The following USP13 variants were observed in gnomAD, a reference collection of about 807,000 sequenced individuals.
The protein encoded by USP13 is ubiquitin specific peptidase 13.
Under a neutral mutation model 107.8 loss-of-function variants are expected in USP13, and 68 were observed. The ratio of observed to expected loss-of-function variants is 0.63; its 90% confidence interval spans 0.52 to 0.77. The LOEUF (loss-of-function observed/expected upper bound fraction) is 0.77. USP13 is among the 30% of genes least tolerant of loss of function. The probability of loss-of-function intolerance (pLI) is 0.00; values close to 1 mark genes in which losing one functional copy is unlikely to be tolerated. For missense variants in USP13, 945 were observed against 1,093.3 expected (o/e 0.86, Z 1.91); for synonymous variants, 377 against 389.5 (o/e 0.97, Z 0.38).
At chr3:179,714,822 ACAGTC>A (rs1460305103) in intron 6 of USP13, among the ~76,000 whole-genome samples, 1 of 150,122 alleles carries the variant, frequency 6.7e-6, no homozygotes, top group Non-Finnish European at 1.5e-5. Flanking sequence ...TTTCCTGACT[ACAGTC>A]TAGGTTTTGT....
intron 6 of USP13, among the ~76,000 whole-genome samples, chr3:179,713,767 T>G (rs1713009187): frequency 1.3e-5 from 2 of 152,166 alleles, no homozygotes; most frequent in Admixed American, 6.5e-5. Context: ...GAACGTGGAA[T>G]CCAAGAAGGT....
chr3:179,679,907 G>C (rs1165211842), intron 1 of USP13, among the ~76,000 whole-genome samples: 1 of 150,608 alleles, frequency 6.6e-6, no homozygotes, highest in East Asian at 2.0e-4. Flanking sequence ...GGGCATGGTG[G>C]CTCACACCTG....
intron 16 of USP13, among the ~76,000 whole-genome samples, chr3:179,760,761 C>T (rs372958698): frequency 6.6e-6 from 1 of 152,172 alleles, no homozygotes; most frequent in South Asian, 2.1e-4. Flanking sequence ...ATAGAGCTTT[C>T]TGTTCAAGTT....
intron 19 of USP13, among the ~76,000 whole-genome samples, chr3:179,772,700 G>A (rs1452453687): frequency 1.3e-5 from 2 of 152,236 alleles, no homozygotes; most frequent in Non-Finnish European, 2.9e-5. Flanking sequence ...TTAAGAGGCA[G>A]CCACTCTTGA....
At chr3:179,657,716 A>G (rs1237319176) in intron 1 of USP13, among the ~76,000 whole-genome samples, 1 of 129,338 alleles carries the variant, frequency 7.7e-6, no homozygotes, top group East Asian at 2.8e-4. Flanking sequence ...GTAAGCCGAG[A>G]TTGCGTCACT....
chr3:179,657,669 C>T lies in USP13; in HGVS notation c.168+4276C>T, dbSNP rs1576903430. Among the ~76,000 whole-genome samples the T allele has an allele frequency of 2.2e-5, 3 of 138,972 alleles. No individual in the cohort carries two copies. In the South Asian group the frequency reaches 6.9e-4, roughly 32 times the overall value. The allele number at this position is 138,972 out of a possible 152,430, so 91.2% of individuals were successfully genotyped here. On this transcript the variant is annotated intron_variant, in intron 1 of 20. Coordinates refer to ENST00000263966, the MANE Select transcript of USP13 (RefSeq NM_003940.3). ...GTCCCAGCTACTCGGGAGGCTGAGG[C>T]AGGAGAATCGCTTGAACCTGGGAGG...
At chr3:179,778,079 A>AT (rs1185732278) in intron 19 of USP13, among the ~76,000 whole-genome samples, 2 of 151,792 alleles carry the variant, frequency 1.3e-5, no homozygotes, top group Non-Finnish European at 2.9e-5. Context: ...CAAACCTGGG[A>AT]TTTTTTTCTT....
chr3:179,749,414 T>C lies in USP13; in HGVS notation c.1710-2871T>C, dbSNP rs565625356. On this transcript the variant is annotated intron_variant, in intron 13 of 20. Coordinates refer to ENST00000263966, the MANE Select transcript of USP13 (RefSeq NM_003940.3). ...AATGATCTTTATTTAAAACATATCA[T>C]TTTTCAAGAAATATTTTAATTCCAG... Among the ~76,000 whole-genome samples the C allele has an allele frequency of 2.6e-5, 4 of 152,320 alleles. No individual in the cohort carries two copies. The South Asian group carries it at 6.2e-4, about 24-fold the overall frequency.
At chr3:179,739,320 A>C (rs1714105631) in intron 10 of USP13, among the ~76,000 whole-genome samples, 1 of 152,188 alleles carries the variant, frequency 6.6e-6, no homozygotes, top group Non-Finnish European at 1.5e-5. Flanking sequence ...CCTTTCTAGC[A>C]GCTGCAGCCA....
At chr3:179,667,742 G>A (rs1253902113) in intron 1 of USP13, among the ~76,000 whole-genome samples, 1 of 152,172 alleles carries the variant, frequency 6.6e-6, no homozygotes, top group African/African-American at 2.4e-5. Flanking sequence ...TGTCTCCTGG[G>A]TTCAAGTGAT....
intron 1 of USP13, among the ~76,000 whole-genome samples, chr3:179,676,505 C>T (rs1169560441): frequency 6.6e-6 from 1 of 152,110 alleles, no homozygotes; most frequent in Non-Finnish European, 1.5e-5. Flanking sequence ...GGCTGTATAC[C>T]ATTCTCTGTG....
In USP13 at chr3:179,784,183, T is replaced by G. The variant is rs992636211; in HGVS notation, c.*42T>G. ...TTGGCGAAAAGAAGCCATACGCCTT[T>G]TTAATTTGCCAAAAAAAAAAAGAAG... On this transcript the variant is annotated 3_prime_UTR_variant, in exon 21 of 21. Transcript: ENST00000263966. 6.8e-7 allele frequency: 1 copy of G among 1,460,858 alleles called. No homozygotes were observed. The highest frequency in any genetic ancestry group is 2.3e-5 in the East Asian group (1 of 43,966). The allele number at this position is 1,460,858 out of a possible 1,614,324, so 90.5% of individuals were successfully genotyped here.
At position 179,764,185 on chromosome 3, in the gene USP13, G is replaced by C. The variant is rs1576987109; in HGVS notation, c.2259+17G>C. On this transcript the variant is annotated intron_variant, in intron 18 of 20. Coordinates refer to ENST00000263966, the MANE Select transcript of USP13 (RefSeq NM_003940.3). ...CGAGCAACGGTGAGCATGAGAGACT[G>C]TGTGTGTGTGTGTGTGTGTGTGTGT... The C allele has an allele frequency of 1.3e-5, 1 of 74,714 alleles. No individual in the cohort carries two copies. Among genetic ancestry groups the C allele is most frequent in the Non-Finnish European group, 1.8e-5 (1 of 54,282 alleles). 4.6% of individuals were successfully genotyped at this position (74,714 alleles called of 1,614,324 possible).
rs374584361 is a variant in USP13 at position 179,761,273 on chromosome 3, G to C, written c.2092+18G>C. ...AGAGCCAGGTAGGTGGCGAGAAAAT[G>C]GAATGGCTTTGGAGTCTGATGTGAC... is the stretch of plus-strand genomic sequence containing the variant. On this transcript the variant is annotated intron_variant, in intron 17 of 20. Coordinates refer to ENST00000263966, the MANE Select transcript of USP13 (RefSeq NM_003940.3). 6.2e-7 allele frequency: 1 copy of C among 1,613,796 alleles called. No individual in the cohort carries two copies. The highest frequency in any genetic ancestry group is 1.3e-5 in the African/African-American group (1 of 74,928).
At chr3:179,770,063 G>C (rs965680811) in intron 19 of USP13, among the ~76,000 whole-genome samples, 2 of 152,120 alleles carry the variant, frequency 1.3e-5, no homozygotes, top group Non-Finnish European at 2.9e-5. Flanking sequence ...TTGGTTGAGT[G>C]CTTTTTATAT....
At chr3:179,657,290 G>A (rs1352336740) in intron 1 of USP13, among the ~76,000 whole-genome samples, 1 of 152,196 alleles carries the variant, frequency 6.6e-6, no homozygotes, top group Non-Finnish European at 1.5e-5. Flanking sequence ...GGCCGAGGCA[G>A]GTGGATCACC....
In USP13 at chr3:179,784,263, A is replaced by G; in HGVS notation, c.*122A>G. The G allele has an allele frequency of 2.7e-6, 2 of 743,580 alleles. No homozygotes were observed. Among genetic ancestry groups the G allele is most frequent in the Non-Finnish European group, 4.4e-6 (2 of 454,478 alleles). The allele number at this position is 743,580 out of a possible 1,614,324, so 46.1% of individuals were successfully genotyped here. ...GGAATATATGGGGTATTTATCGTTTATTTAAAGAGCACGATCAGTTGACAC... is the reference window on the plus strand; with the variant it reads ...GGAATATATGGGGTATTTATCGTTTGTTTAAAGAGCACGATCAGTTGACAC... On this transcript the variant is annotated 3_prime_UTR_variant, in exon 21 of 21. Coordinates refer to ENST00000263966, the MANE Select transcript of USP13 (RefSeq NM_003940.3).
chr3:179,682,901 A>G (rs1711715939), intron 2 of USP13, among the ~76,000 whole-genome samples: 1 of 152,166 alleles, frequency 6.6e-6, no homozygotes, highest in African/African-American at 2.4e-5. Context: ...GTCTCTCCCC[A>G]GAGTGATTGT....
intron 17 of USP13, among the ~76,000 whole-genome samples, chr3:179,762,289 T>C (rs967460477): frequency 6.6e-6 from 1 of 152,202 alleles, no homozygotes; most frequent in South Asian, 2.1e-4. Flanking sequence ...GGTAAAATAA[T>C]AGTCTGTTGG....
Sources: allele counts gnomAD v4.1 joint callset (sites outside exome capture counted in the v4.1 genomes callset), GRCh38; gene constraint gnomAD v4.1.1; transcripts MANE v1.5; gene names NCBI Gene and HGNC (gene_info 2026-07-23, HGNC 2026-07-21).